Variants in AFF3 observed in about 807,000 individuals in gnomAD.
The protein encoded by AFF3 is ALF transcription elongation factor 3, also known as AF4/FMR2 family member 3.
In AFF3, 32 loss-of-function variants were observed where a neutral mutation model predicts 129.7. That is an observed-to-expected ratio of 0.25 (90% confidence interval 0.19 to 0.33). The LOEUF (loss-of-function observed/expected upper bound fraction) is 0.33, where lower values mean the gene tolerates loss of function less well. Ranked by LOEUF, AFF3 falls within the 10% of genes least tolerant of loss-of-function variation. AFF3 has a pLI of 1.00. For synonymous variants in AFF3, 644 were observed against 635.4 expected, an observed-to-expected ratio of 1.01 and a Z score of -0.20; for missense variants, 1,373 against 1,592.0, an observed-to-expected ratio of 0.86 and a Z score of 2.34.
At chr2:99,558,521 G>A (rs1438688751) in intron 22 of AFF3, among the ~76,000 whole-genome samples, 2 of 152,202 alleles carry the variant, frequency 1.3e-5, no homozygotes, top group Non-Finnish European at 2.9e-5. Flanking sequence ...TTGGGAGGCT[G>A]AGGCAGGAGA....
At position 99,761,437 on chromosome 2, in the gene AFF3, GGTGCATAGACTTTCAT is replaced by G. The variant is rs538981626; in HGVS notation, c.922-9152_922-9137del. On this transcript the variant is annotated intron_variant, in intron 8 of 24. Coordinates refer to ENST00000672756, the MANE Select transcript of AFF3 (RefSeq NM_001386135.1). ...AGTCTCCAAGAACCCACACACTGAT[GGTGCATAGACTTTCAT>G]GTGCTCCATCTGCACAATGCCCTCC... 3.6e-3 allele frequency among the ~76,000 whole-genome samples: 552 copies of G among 152,204 alleles called. 3 individuals carry two copies. The highest frequency in any genetic ancestry group is 5.6e-3 in the Non-Finnish European group (384 of 68,012).
intron 7 of AFF3, among the ~76,000 whole-genome samples, chr2:99,973,558 C>A (rs1213289845): frequency 6.6e-6 from 1 of 152,176 alleles, no homozygotes; most frequent in Admixed American, 6.5e-5. Flanking sequence ...AAATTGGACT[C>A]AAATTACTTC....
intron 7 of AFF3, among the ~76,000 whole-genome samples, chr2:99,912,834 G>A (rs1479119114): frequency 6.6e-6 from 1 of 152,194 alleles, no homozygotes; most frequent in Non-Finnish European, 1.5e-5. Context: ...TAATTTTGCA[G>A]TACTTTGTTA....
intron 4 of AFF3, among the ~76,000 whole-genome samples, chr2:100,050,251 A>C (rs1205483910): frequency 6.6e-6 from 1 of 152,114 alleles, no homozygotes; most frequent in Non-Finnish European, 1.5e-5. Flanking sequence ...TTGTCTCTCA[A>C]AATATTTAGT....
chr2:100,119,245 G>A (rs1691853042), intron 2 of AFF3, among the ~76,000 whole-genome samples: 2 of 152,166 alleles, frequency 1.3e-5, no homozygotes, highest in Non-Finnish European at 1.5e-5. Flanking sequence ...CACAGGTAAG[G>A]CCAAAAGTGC....
chr2:99,903,488 G>A (rs1007258994), intron 7 of AFF3, among the ~76,000 whole-genome samples: 10 of 152,106 alleles, frequency 6.6e-5, no homozygotes, highest in African/African-American at 2.4e-4. Context: ...GTTTTAAAGA[G>A]CAGTAGTTGC....
intron 13 of AFF3, among the ~76,000 whole-genome samples, chr2:99,603,484 G>A (rs968835134): frequency 3.3e-5 from 5 of 152,120 alleles, no homozygotes; most frequent in African/African-American, 1.2e-4. Flanking sequence ...ATCGACTCAA[G>A]ATAGATTATA....
chr2:99,966,612 C>T (rs1576446620), intron 7 of AFF3, among the ~76,000 whole-genome samples: 1 of 133,848 alleles, frequency 7.5e-6, no homozygotes, highest in African/African-American at 2.8e-5. Context: ...ATGGCGTGAA[C>T]CCGGGAGGCG....
At chr2:99,753,389 T>A (rs1681830707) in intron 8 of AFF3, among the ~76,000 whole-genome samples, 1 of 152,160 alleles carries the variant, frequency 6.6e-6, no homozygotes, top group South Asian at 2.1e-4. Context: ...CATAAGCTAC[T>A]GCGCCTGGCC....
intron 7 of AFF3, among the ~76,000 whole-genome samples, chr2:99,966,687 C>A (rs929610815): frequency 1.8e-4 from 5 of 27,178 alleles, no homozygotes; most frequent in African/African-American, 4.9e-4. Flanking sequence ...GAGACTCCGT[C>A]TCAAAAAAAA....
chr2:99,593,483 G>A lies in AFF3; in HGVS notation c.2178C>T (p.Ile726=). Residue 726 remains isoleucine, a synonymous_variant, in exon 15 of 25, where the codon ATC becomes ATT. Coordinates refer to ENST00000672756, the MANE Select transcript of AFF3 (RefSeq NM_001386135.1). ...GSGPRAPVGS[I]NARTTSDIAK... Reference sequence around the variant, plus strand: ...CGATGTCACTGGTGGTCCTGGCGTTGATGGAGCCTACAGGGGCCCTAGGAC... The same window carrying A: ...CGATGTCACTGGTGGTCCTGGCGTTAATGGAGCCTACAGGGGCCCTAGGAC... 3 of 1,613,914 alleles carry A rather than the reference G, an allele frequency of 1.9e-6. No homozygotes were observed. The South Asian group carries it at 3.3e-5, about 18-fold the overall frequency.
intron 8 of AFF3, among the ~76,000 whole-genome samples, chr2:99,837,170 A>G (rs1038900738): frequency 6.6e-6 from 1 of 152,222 alleles, no homozygotes; most frequent in African/African-American, 2.4e-5. Context: ...GCTTTTAAAT[A>G]GCAGGGTGAT....
chr2:99,749,825 G>A (rs10167572), intron 9 of AFF3, among the ~76,000 whole-genome samples: 1 of 152,160 alleles, frequency 6.6e-6, no homozygotes, highest in Non-Finnish European at 1.5e-5. Context: ...TCTTGGGAAA[G>A]AATTAGATAA....
chr2:99,875,698 G>C (rs1281447863), intron 7 of AFF3, among the ~76,000 whole-genome samples: 1 of 152,162 alleles, frequency 6.6e-6, no homozygotes. Flanking sequence ...TGAATGAGTG[G>C]ATAAATTAGA....
chr2:99,657,618 T>C (rs909077639), intron 12 of AFF3, among the ~76,000 whole-genome samples: 6 of 152,236 alleles, frequency 3.9e-5, no homozygotes, highest in Non-Finnish European at 7.3e-5. Context: ...TACATTTTTT[T>C]CACATCTGTG....
chr2:99,798,408 G>A (rs1685697916), intron 8 of AFF3, among the ~76,000 whole-genome samples: 1 of 151,808 alleles, frequency 6.6e-6, no homozygotes, highest in African/African-American at 2.4e-5. Flanking sequence ...TGTAATTATT[G>A]ATACGGTTAG....
chr2:99,597,723 G>A (rs890402208), intron 14 of AFF3, among the ~76,000 whole-genome samples: 1 of 152,274 alleles, frequency 6.6e-6, no homozygotes, highest in Non-Finnish European at 1.5e-5. Flanking sequence ...TCAGGCTGCA[G>A]ACGCCAGGCC....
intron 4 of AFF3, among the ~76,000 whole-genome samples, chr2:100,077,192 T>A (rs539321260): frequency 2.2e-4 from 33 of 152,182 alleles, no homozygotes; most frequent in Non-Finnish European, 3.2e-4. Context: ...GAGGTTGCAA[T>A]GAGCCGAGAT....
intron 8 of AFF3, among the ~76,000 whole-genome samples, chr2:99,777,544 A>G (rs1278801523): frequency 1.3e-5 from 2 of 152,100 alleles, no homozygotes; most frequent in African/African-American, 4.8e-5. Context: ...CGCACTGGAT[A>G]TTTATGTCCT....
Sources: allele counts gnomAD v4.1 joint callset (sites outside exome capture counted in the v4.1 genomes callset), GRCh38; gene constraint gnomAD v4.1.1; transcripts MANE v1.5; gene names NCBI Gene and HGNC (gene_info 2026-07-23, HGNC 2026-07-21).